Variants in ANK2 observed in about 807,000 individuals in gnomAD.
ANK2 encodes the protein ankyrin-2.
Under a neutral mutation model 360.5 loss-of-function variants are expected in ANK2, and 83 were observed. The ratio of observed to expected loss-of-function variants is 0.23; its 90% CI spans 0.19 to 0.28. The LOEUF (loss-of-function observed/expected upper bound fraction) is 0.28. Among genes scored for constraint, ANK2 ranks in the 10% least tolerant of loss-of-function variants. The probability of loss-of-function intolerance (pLI) is 1.00; values close to 1 mark genes in which losing one functional copy is unlikely to be tolerated. For synonymous variants in ANK2, 1,740 were observed against 1,759.5 expected, an observed-to-expected ratio of 0.99 and a Z score of 0.28; for missense variants, 4,201 against 4,795.7, an observed-to-expected ratio of 0.88 and a Z score of 3.66.
At chr4:113,120,534 A>T (rs190723409) in intron 1 of ANK2, among the ~76,000 whole-genome samples, 89 of 152,356 alleles carry the variant, frequency 5.8e-4, no homozygotes, top group African/African-American at 1.7e-3. Flanking sequence ...TGAAAAATAC[A>T]TAATTTTTAG....
chr4:112,971,600 C>T (rs1216585923), intron 2 of ANK2, among the ~76,000 whole-genome samples: 1 of 152,114 alleles, frequency 6.6e-6, no homozygotes, highest in Admixed American at 6.6e-5. Context: ...GGCTAGAAGT[C>T]TTTATGGTTG....
intron 1 of ANK2, among the ~76,000 whole-genome samples, chr4:113,062,602 A>G (rs758293140): frequency 3.3e-5 from 5 of 152,134 alleles, no homozygotes; most frequent in Non-Finnish European, 7.4e-5. Context: ...TATGAATTGC[A>G]GAAGTAAACA....
chr4:112,796,315 C>T, the ANK2 span, among the ~76,000 whole-genome samples: 8 of 151,942 alleles, frequency 5.3e-5, 1 homozygote, highest in South Asian at 1.0e-3. Flanking sequence ...CCCAGCTACT[C>T]GGGAGGCTGA....
intron 10 of ANK2, among the ~76,000 whole-genome samples, chr4:113,252,123 G>T (rs2046793704): frequency 6.6e-6 from 1 of 152,176 alleles, no homozygotes; most frequent in Non-Finnish European, 1.5e-5. Flanking sequence ...ATGGCAGAAG[G>T]TGAAAGGCAC....
intron 1 of ANK2, among the ~76,000 whole-genome samples, chr4:113,070,774 A>G: frequency 6.6e-6 from 1 of 152,124 alleles, no homozygotes; most frequent in Admixed American, 6.5e-5. Context: ...GGCTGCCATT[A>G]AATGCACTGT....
chr4:112,751,171 A>G, the ANK2 span, among the ~76,000 whole-genome samples: 1 of 152,094 alleles, frequency 6.6e-6, no homozygotes, highest in East Asian at 1.9e-4. Context: ...CCAGTCCCCA[A>G]AACCAACCCC....
At chr4:112,773,776 A>AATTTT in the ANK2 span, among the ~76,000 whole-genome samples, 185 of 152,072 alleles carry the variant, frequency 1.2e-3, 2 homozygotes, top group East Asian at 9.3e-3. Context: ...CACCTAAGTA[A>AATTTT]ATTTTATTTT....
intron 4 of ANK2, among the ~76,000 whole-genome samples, chr4:113,218,506 T>A (rs1386037351): frequency 6.6e-6 from 1 of 152,066 alleles, no homozygotes; most frequent in Non-Finnish European, 1.5e-5. Context: ...TTCATTTGAT[T>A]GGAGATTTAG....
At chr4:112,952,612 C>G (rs2095098827) in intron 2 of ANK2, among the ~76,000 whole-genome samples, 1 of 152,048 alleles carries the variant, frequency 6.6e-6, no homozygotes, top group African/African-American at 2.4e-5. Flanking sequence ...TGATGTAATC[C>G]TACTCTTCCT....
At chr4:113,152,345 C>T (rs1312220309) in intron 1 of ANK2, 1 of 152,094 alleles carries the variant, frequency 6.6e-6, no homozygotes, top group Admixed American at 6.6e-5. Context: ...CTGTATTTTG[C>T]TTCCTTCCCA....
At position 113,190,523 on chromosome 4, in the gene ANK2, C is replaced by T. The variant is rs187780750; in HGVS notation, c.187-5845C>T. On this transcript the variant is annotated intron_variant, in intron 2 of 45. Coordinates refer to ENST00000357077, the MANE Select transcript of ANK2 (RefSeq NM_001148.6). ...GATGTATTTGGACATTAAATATCTA[C>T]AAACCTAAAAGAAATAATTTTTAGA... Among the ~76,000 whole-genome samples the T allele has an allele frequency of 4.0e-5, 6 of 151,482 alleles. No homozygotes were observed. In the East Asian group the frequency reaches 1.2e-3, roughly 29 times the overall value.
intron 1 of ANK2, among the ~76,000 whole-genome samples, chr4:113,141,836 G>C (rs770210569): frequency 6.6e-6 from 1 of 152,136 alleles, no homozygotes; most frequent in African/African-American, 2.4e-5. Flanking sequence ...AAGCTGAGAG[G>C]CTAGCCTTTG....
At chr4:113,373,883 T>C (rs545773925) in intron 45 of ANK2, among the ~76,000 whole-genome samples, 2 of 152,302 alleles carry the variant, frequency 1.3e-5, no homozygotes, top group South Asian at 4.1e-4. Flanking sequence ...GATTTCTGCA[T>C]TGCAGAGTTA....
At chr4:113,230,768 G>A (rs2099283178) in intron 4 of ANK2, among the ~76,000 whole-genome samples, 1 of 152,102 alleles carries the variant, frequency 6.6e-6, no homozygotes, top group African/African-American at 2.4e-5. Flanking sequence ...TTAAACTCAT[G>A]TTATACAATT....
intron 2 of ANK2, among the ~76,000 whole-genome samples, chr4:113,022,545 A>G (rs559613537): frequency 1.7e-4 from 26 of 152,304 alleles, no homozygotes; most frequent in Non-Finnish European, 2.9e-4. Context: ...CTGAGTGTAC[A>G]TGGAATTTTA....
intron 2 of ANK2, among the ~76,000 whole-genome samples, chr4:113,016,013 G>A (rs965727349): frequency 1.3e-5 from 2 of 151,844 alleles, no homozygotes; most frequent in African/African-American, 4.8e-5. Context: ...TTCTCATATG[G>A]CTTTTTTTTT....
chr4:112,996,929 A>G (rs1373704691), intron 2 of ANK2, among the ~76,000 whole-genome samples: 1 of 151,976 alleles, frequency 6.6e-6, no homozygotes, highest in African/African-American at 2.4e-5. Context: ...TCTGGTAACC[A>G]TCCTTCTCCC....
At chr4:112,723,615 C>T in the ANK2 span, among the ~76,000 whole-genome samples, 3,038 of 152,238 alleles carry the variant, frequency 0.02, 106 homozygotes, top group African/African-American at 0.068. Flanking sequence ...CCTCCCTCCT[C>T]GGCCTCCCAA....
At chr4:113,206,910 G>A (rs1189914817) in intron 4 of ANK2, among the ~76,000 whole-genome samples, 2 of 152,154 alleles carry the variant, frequency 1.3e-5, no homozygotes, top group African/African-American at 4.8e-5. Context: ...TGTAACCCCA[G>A]CTACTCAGGA....
Sources: allele counts gnomAD v4.1 joint callset (sites outside exome capture counted in the v4.1 genomes callset), GRCh38; gene constraint gnomAD v4.1.1; transcripts MANE v1.5; gene names NCBI Gene and HGNC (gene_info 2026-07-23, HGNC 2026-07-21).